Variants in METTL22 observed in about 807,000 individuals in gnomAD.
The protein encoded by METTL22 is methyltransferase 22, Kin17 lysine, also known as methyltransferase-like protein 22.
In METTL22, 51 loss-of-function variants were observed where a neutral mutation model predicts 48.4. The ratio of observed to expected loss-of-function variants is 1.05; its 90% confidence interval spans 0.84 to 1.33. The LOEUF is 1.33. Among genes scored for constraint, METTL22 ranks in the 40% most tolerant of loss-of-function variants. The pLI is 0.00. For missense variants in METTL22, 678 were observed against 526.9 expected (o/e 1.29, Z -2.81); for synonymous variants, 255 against 214.1 (o/e 1.19, Z -1.67).
chr16:8,667,140 T>C, the METTL22 span: 2 of 151,994 alleles, frequency 1.3e-5, no homozygotes, highest in Non-Finnish European at 2.9e-5. Flanking sequence ...GGAGGAGAGA[T>C]GAGGACGAGA....
intron 2 of METTL22, among the ~76,000 whole-genome samples, chr16:8,626,654 G>A (rs1242924237): frequency 6.7e-6 from 1 of 149,256 alleles, no homozygotes; most frequent in Non-Finnish European, 1.5e-5. Context: ...TCACCATGTT[G>A]GTCAGGCTGG....
chr16:8,642,646 G>A (rs985050977), intron 9 of METTL22, 81 bp downstream of exon 9: 4 of 1,284,950 alleles, frequency 3.1e-6, no homozygotes, highest in Admixed American at 3.4e-5. Flanking sequence ...CCTTGTCAGT[G>A]TCATTATGAT....
intron 5 of METTL22, among the ~76,000 whole-genome samples, chr16:8,636,652 G>GT (rs145745373): frequency 0.98 from 145,827 of 148,120 alleles, 71,820 homozygotes; most frequent in South Asian, 1. Context: ...TTTGGTTTTT[G>GT]TTTTTTTTTG....
chr16:8,665,030 G>A, the METTL22 span, among the ~76,000 whole-genome samples: 1 of 152,164 alleles, frequency 6.6e-6, no homozygotes, highest in Admixed American at 6.5e-5. Flanking sequence ...GAGAAAGCTG[G>A]GTGGGAGCCC....
chr16:8,652,454 G>A (rs1473618201), downstream of METTL22, among the ~76,000 whole-genome samples: 3 of 68,296 alleles, frequency 4.4e-5, no homozygotes, highest in African/African-American at 1.9e-4. Context: ...GGGAGACTCC[G>A]TCTCAAAAAA....
At chr16:8,660,371 G>A in the METTL22 span, among the ~76,000 whole-genome samples, 1 of 151,856 alleles carries the variant, frequency 6.6e-6, no homozygotes, top group Non-Finnish European at 1.5e-5. Context: ...AGAGATGGGG[G>A]TTTCACCATG....
downstream of METTL22, among the ~76,000 whole-genome samples, chr16:8,651,586 C>G (rs536193859): frequency 1.3e-5 from 2 of 152,168 alleles, no homozygotes; most frequent in African/African-American, 2.4e-5. Context: ...AGAGACATCA[C>G]TGGGAGCAAT....
chr16:8,653,780 A>G (rs1232622700), downstream of METTL22, among the ~76,000 whole-genome samples: 1 of 152,076 alleles, frequency 6.6e-6, no homozygotes, highest in Non-Finnish European at 1.5e-5. Context: ...CTTCCCCATC[A>G]TTTCCAAGGC....
chr16:8,641,247 C>A (rs2056607453), intron 7 of METTL22, 63 bp downstream of exon 7: 1 of 1,539,814 alleles, frequency 6.5e-7, no homozygotes, highest in Non-Finnish European at 9.0e-7. Context: ...TACCTCAGTG[C>A]CCCTGGCTCT....
rs372668884 is a variant in METTL22, at chr16:8,646,126, G to A, written c.1198G>A (p.Ala400Thr). The A allele has an allele frequency of 3.2e-5, 45 of 1,396,522 alleles. No homozygotes were observed. The highest frequency in any genetic ancestry group is 2.8e-4 in the African/African-American group (10 of 35,120). 86.5% of individuals were successfully genotyped at this position (1,396,522 alleles called of 1,614,324 possible). A position where few individuals can be genotyped will look rare whatever the true frequency, so the allele number is the denominator to read the frequency against. The change falls in exon 11 of 11, where the codon GCA becomes ACA. Residue 400 changes from alanine to threonine, a missense_variant. Physicochemically the swap from Ala to Thr is moderately conservative, Grantham distance 58. Coordinates refer to ENST00000381920, the MANE Select transcript of METTL22 (RefSeq NM_024109.4). ...GCTGCAGGAGCTCTGGAAGATCATC[G>A]CAGAACCAGTAACATGACCCATCGC... ...LQQLELWKII[A>T]EPVT
chr16:8,633,108 C>G (rs774368830), intron 3 of METTL22, among the ~76,000 whole-genome samples: 6 of 152,128 alleles, frequency 3.9e-5, no homozygotes, highest in Admixed American at 6.5e-5. Flanking sequence ...GGAAGAGGAA[C>G]TGGGCAGGGA....
chr16:8,626,639 G>T (rs1460312318), intron 2 of METTL22, among the ~76,000 whole-genome samples: 2 of 146,600 alleles, frequency 1.4e-5, no homozygotes, highest in Non-Finnish European at 3.0e-5. Context: ...AGTACAGACA[G>T]AGTTTCACCA....
Position 8,648,047 on chromosome 16 carries a change from A to C in METTL22, c.*1904A>C, listed in dbSNP as rs2056834722. 1 of 152,252 alleles carries C rather than the reference A, an allele frequency of 6.6e-6. No homozygotes were observed. Among genetic ancestry groups the C allele is most frequent in the Admixed American group, 6.5e-5 (1 of 15,286 alleles). The allele number at this position is 152,252 out of a possible 1,614,324, so 9.4% of individuals were successfully genotyped here. On this transcript the variant is annotated 3_prime_UTR_variant, in exon 11 of 11. Transcript: ENST00000381920. Reference sequence around the variant, plus strand: ...TGGTTAGAAATGCAACATCAGGCTGAGCATGTTGGCTCACTCCTGCAATCC... The same window carrying C: ...TGGTTAGAAATGCAACATCAGGCTGCGCATGTTGGCTCACTCCTGCAATCC...
At chr16:8,649,815 A>T (rs1305073874), downstream of METTL22, among the ~76,000 whole-genome samples, 7 of 3,642 alleles carry the variant, frequency 1.9e-3, no homozygotes, top group South Asian at 0.25. Flanking sequence ...AAAAGAAATT[A>T]AAAAAAAAAA....
chr16:8,659,003 G>A, the METTL22 span, among the ~76,000 whole-genome samples: 1 of 150,912 alleles, frequency 6.6e-6, no homozygotes, highest in African/African-American at 2.4e-5. Context: ...CTTCCACAAA[G>A]CCTTCCCCAG....
In METTL22 at chr16:8,629,116, T is replaced by TA. The variant is rs1181584211; in HGVS notation, c.514+7dup. Reference sequence around the variant, plus strand: ...GCACGATATCATCAGAATAGGTAAATAGAGGTGTGATGTGGCCCACCTGTC... The same window carrying TA: ...GCACGATATCATCAGAATAGGTAAATAAGAGGTGTGATGTGGCCCACCTGTC... On this transcript the variant is annotated splice_region_variant and intron_variant, in intron 3 of 10. Coordinates refer to ENST00000381920, the MANE Select transcript of METTL22 (RefSeq NM_024109.4). 6.2e-7 allele frequency: 1 copy of TA among 1,608,772 alleles called. No homozygotes were observed.
At chr16:8,663,225 A>T in the METTL22 span, among the ~76,000 whole-genome samples, 542 of 123,424 alleles carry the variant, frequency 4.4e-3, 18 homozygotes, top group African/African-American at 0.011. Flanking sequence ...AAAAAAAAAA[A>T]GGTAGCCAAG....
At chr16:8,627,831 G>A (rs1488092212) in intron 2 of METTL22, among the ~76,000 whole-genome samples, 5 of 152,028 alleles carry the variant, frequency 3.3e-5, no homozygotes, top group South Asian at 2.1e-4. Flanking sequence ...CTACAGCCTC[G>A]ACCTCCCCAG....
chr16:8,657,921 A>G, the METTL22 span, among the ~76,000 whole-genome samples: 1 of 151,502 alleles, frequency 6.6e-6, no homozygotes, highest in Non-Finnish European at 1.5e-5. Flanking sequence ...GACTCAAGCT[A>G]TCCTCCCATC....
Sources: gnomAD v4.1 joint callset for allele counts (sites outside exome capture counted in the v4.1 genomes callset) on GRCh38, gnomAD v4.1.1 for gene constraint, MANE v1.5 for transcripts, NCBI Gene and HGNC (gene_info 2026-07-23, HGNC 2026-07-21) for gene names.